The following SCHIP1 variants were observed in gnomAD, a reference collection of about 807,000 sequenced individuals.
SCHIP1 encodes schwannomin-interacting protein 1.
SCHIP1 carries 8 observed loss-of-function variants against 29.7 expected under a neutral mutation model. The ratio of observed to expected loss-of-function variants is 0.27; its 90% confidence interval spans 0.16 to 0.49. The LOEUF is 0.49. Ranked by LOEUF, SCHIP1 falls within the 20% of genes least tolerant of loss-of-function variation. SCHIP1 has a pLI of 0.99. For synonymous variants in SCHIP1, 76 were observed against 94.9 expected, an observed-to-expected ratio of 0.80 and a Z score of 1.16; for missense variants, 193 against 294.6, an observed-to-expected ratio of 0.66 and a Z score of 2.52.
chr3:159,535,520 C>T, the SCHIP1 span, among the ~76,000 whole-genome samples: 1 of 152,176 alleles, frequency 6.6e-6, no homozygotes, highest in Non-Finnish European at 1.5e-5. Context: ...AGCCATTTAC[C>T]TTCTGTCTTG....
At position 159,861,149 on chromosome 3, in the gene SCHIP1, A is replaced by T. The variant is rs1339401106; in HGVS notation, c.31-5014A>T. On this transcript the variant is annotated intron_variant, in intron 1 of 6. Coordinates refer to ENST00000445224, the Ensembl canonical transcript of SCHIP1. This position sits in a 1 kb window ranked among gnomAD's most constrained non-coding sequence, Gnocchi z 4.1. ...CTTCCACTTGTAAATTTACGTGCAG[A>T]TTAGCATGCTGAAGGCTTCTTGCTT... is the stretch of plus-strand genomic sequence containing the variant. 6.6e-6 allele frequency among the ~76,000 whole-genome samples: 1 copy of T among 152,192 alleles called. No individual in the cohort carries two copies. Among genetic ancestry groups the T allele is most frequent in the Non-Finnish European group, 1.5e-5 (1 of 68,038 alleles).
At chr3:159,342,844 T>C in the SCHIP1 span, among the ~76,000 whole-genome samples, 2 of 152,192 alleles carry the variant, frequency 1.3e-5, no homozygotes, top group Non-Finnish European at 2.9e-5. Flanking sequence ...GGGATGAAAA[T>C]AGAATAAAAT....
the SCHIP1 span, among the ~76,000 whole-genome samples, chr3:159,616,330 G>A: frequency 6.6e-6 from 1 of 152,112 alleles, no homozygotes; most frequent in East Asian, 1.9e-4. Context: ...TTGAACTCCT[G>A]ACCTCAAGTG....
chr3:159,638,105 C>T, the SCHIP1 span, among the ~76,000 whole-genome samples: 6 of 152,186 alleles, frequency 3.9e-5, no homozygotes, highest in Non-Finnish European at 8.8e-5. Context: ...AGTACCAAGT[C>T]CTCCTTCTGA....
chr3:159,706,460 ACT>A, the SCHIP1 span, among the ~76,000 whole-genome samples: 4 of 152,176 alleles, frequency 2.6e-5, no homozygotes, highest in Non-Finnish European at 5.9e-5. Flanking sequence ...TTGTCTGCAA[ACT>A]CTGTATAAAT....
At chr3:159,708,918 A>G in the SCHIP1 span, among the ~76,000 whole-genome samples, 1 of 152,144 alleles carries the variant, frequency 6.6e-6, no homozygotes, top group African/African-American at 2.4e-5. Flanking sequence ...ATACTCTTAC[A>G]TCTCTCTTCT....
chr3:159,392,239 G>C, the SCHIP1 span, among the ~76,000 whole-genome samples: 3 of 152,136 alleles, frequency 2.0e-5, no homozygotes, highest in Non-Finnish European at 2.9e-5. Flanking sequence ...TCAGGCCAGA[G>C]TCAAAGTACT....
At chr3:159,890,348 C>A (rs1278657084) in intron 5 of SCHIP1, among the ~76,000 whole-genome samples, 3 of 152,018 alleles carry the variant, frequency 2.0e-5, no homozygotes, top group Non-Finnish European at 4.4e-5. Context: ...AAGCTTAAAA[C>A]TTCATATTGG....
the SCHIP1 span, among the ~76,000 whole-genome samples, chr3:159,739,947 A>T: frequency 6.6e-6 from 1 of 152,344 alleles, no homozygotes; most frequent in East Asian, 1.9e-4. Context: ...TTCAGTACAA[A>T]TGTTACTTAG....
chr3:159,286,480 G>A, the SCHIP1 span, among the ~76,000 whole-genome samples: 8 of 152,126 alleles, frequency 5.3e-5, no homozygotes, highest in Non-Finnish European at 1.2e-4. Flanking sequence ...CTATTGACAG[G>A]CATTTAGGTT....
At chr3:159,278,828 T>C in the SCHIP1 span, among the ~76,000 whole-genome samples, 1 of 152,184 alleles carries the variant, frequency 6.6e-6, no homozygotes, top group African/African-American at 2.4e-5. Flanking sequence ...CAGCAGTTTT[T>C]TTCCTGTTTA....
the SCHIP1 span, among the ~76,000 whole-genome samples, chr3:159,600,640 A>G: frequency 6.6e-6 from 1 of 152,296 alleles, no homozygotes; most frequent in Middle Eastern, 3.4e-3. Flanking sequence ...TTATTTAAAA[A>G]TCAATATTCT....
chr3:159,561,272 A>G, the SCHIP1 span, among the ~76,000 whole-genome samples: 1 of 152,228 alleles, frequency 6.6e-6, no homozygotes, highest in Non-Finnish European at 1.5e-5. Flanking sequence ...ACAGAAGCTA[A>G]TCAGGAGAAT....
At chr3:159,408,596 T>C in the SCHIP1 span, among the ~76,000 whole-genome samples, 5 of 151,980 alleles carry the variant, frequency 3.3e-5, no homozygotes, top group African/African-American at 9.6e-5. Flanking sequence ...CTTAGACACA[T>C]ACAACCTGAG....
intron 2 of SCHIP1, among the ~76,000 whole-genome samples, chr3:159,867,975 TTATA>T (rs199535444): frequency 4.1e-5 from 6 of 146,454 alleles, no homozygotes; most frequent in South Asian, 2.1e-4. Context: ...AATCAGTGAT[TTATA>T]TATATATATA....
chr3:159,426,433 G>A, the SCHIP1 span, among the ~76,000 whole-genome samples: 1 of 152,156 alleles, frequency 6.6e-6, no homozygotes, highest in Admixed American at 6.5e-5. Context: ...AGAAAATCTA[G>A]AAGAAATGGA....
chr3:159,360,104 A>G, the SCHIP1 span, among the ~76,000 whole-genome samples: 2 of 152,204 alleles, frequency 1.3e-5, no homozygotes, highest in South Asian at 4.1e-4. Context: ...CTGGACCCAG[A>G]GGAGCCCTCC....
At chr3:159,532,012 AG>A in the SCHIP1 span, among the ~76,000 whole-genome samples, 1 of 152,172 alleles carries the variant, frequency 6.6e-6, no homozygotes, top group Admixed American at 6.5e-5. Flanking sequence ...ACAAAACAGA[AG>A]TATTGTTTTT....
At chr3:159,462,912 G>A in the SCHIP1 span, among the ~76,000 whole-genome samples, 22 of 152,054 alleles carry the variant, frequency 1.4e-4, no homozygotes, top group Non-Finnish European at 2.9e-4. Context: ...CAACTTAAAT[G>A]TTTACCAGAA....
Sources: allele counts gnomAD v4.1 joint callset (sites outside exome capture counted in the v4.1 genomes callset), GRCh38; gene constraint gnomAD v4.1.1; non-coding constraint Gnocchi (gnomAD v3.1); transcripts MANE v1.5; gene names NCBI Gene and HGNC (gene_info 2026-07-23, HGNC 2026-07-21).